Variants in CCDC191 observed in about 807,000 individuals in gnomAD.
CCDC191 encodes the protein coiled-coil domain-containing protein 191.
In CCDC191, 99 loss-of-function variants were observed where a neutral mutation model predicts 114.0. That is an observed-to-expected ratio of 0.87 (90% confidence interval 0.74 to 1.03). The LOEUF is 1.03. Ranked by LOEUF, CCDC191 falls within the 50% of genes least tolerant of loss-of-function variation. The probability of loss-of-function intolerance (pLI) is 0.00; values close to 1 mark genes in which losing one functional copy is unlikely to be tolerated. For missense variants in CCDC191, 973 were observed against 1,087.0 expected (o/e 0.90, Z 1.47); for synonymous variants, 351 against 376.0 (o/e 0.93, Z 0.77).
chr3:113,980,639 G>A lies in CCDC191; in HGVS notation c.2307+11C>T. The A allele has an allele frequency of 6.4e-7, 1 of 1,574,006 alleles. No homozygotes were observed. Among genetic ancestry groups the A allele is most frequent in the Non-Finnish European group, 8.6e-7 (1 of 1,168,108 alleles). On this transcript the variant is annotated intron_variant, in intron 14 of 16. Transcript: ENST00000295878. The stretch of plus-strand genomic sequence containing the variant: ...TTTTCTAATCTGGGGGATAACAGTG[G>A]GACAGTGTACCTGGATGTTTTGTTT...
chr3:113,978,896 G>C lies in CCDC191; in HGVS notation c.2422C>G (p.Gln808Glu), dbSNP rs201121137. The C allele has an allele frequency of 5.5e-5, 88 of 1,613,808 alleles. No individual in the cohort carries two copies. Among genetic ancestry groups the C allele is most frequent in the Non-Finnish European group, 6.0e-5 (71 of 1,179,908 alleles). Reference protein sequence around the residue: ...KMAQADQFYSQILLKRVIQSW... With the variant: ...KMAQADQFYSEILLKRVIQSW... ...TGGATGACTCTCTTAAGCAGTATTT[G>C]GGAATAAAATTGATCAGCCTGGGCC... Residue 808 changes from glutamine to glutamate, a missense_variant, in exon 15 of 17, where the codon CAA (glutamine) becomes GAA (glutamate). By Grantham distance (29) the Gln-to-Glu change is conservative. Transcript: ENST00000295878.
At chr3:114,004,303 G>T in intron 11 of CCDC191, 2 of 999,206 alleles carry the variant, frequency 2.0e-6, no homozygotes, top group Non-Finnish European at 2.4e-6. Flanking sequence ...TTTGTCCTTG[G>T]CAGTTACTCA....
chr3:114,011,208 G>T lies in CCDC191; in HGVS notation c.1164-187C>A, dbSNP rs544156369. Among the ~76,000 whole-genome samples, 87 of 152,254 alleles carry T rather than the reference G, an allele frequency of 5.7e-4. 1 individual carries two copies. The highest frequency in any genetic ancestry group is 1.9e-3 in the African/African-American group (80 of 41,546). On this transcript the variant is annotated intron_variant, in intron 8 of 16. Transcript: ENST00000295878. ...CAGTGCAAAGGATCTCCTCATAGAA[G>T]GTGTCAGCACTTCAACAGATTACCT...
At chr3:114,016,878 G>A (rs569691633) in intron 8 of CCDC191, among the ~76,000 whole-genome samples, 1 of 152,176 alleles carries the variant, frequency 6.6e-6, no homozygotes, top group South Asian at 2.1e-4. Context: ...TTTACAACCT[G>A]TTTCCCTTCT....
At chr3:114,012,469 G>T (rs930542355) in intron 8 of CCDC191, among the ~76,000 whole-genome samples, 4 of 152,086 alleles carry the variant, frequency 2.6e-5, no homozygotes, top group Non-Finnish European at 5.9e-5. Context: ...AAACATTTAT[G>T]TATGTTTTAC....
intron 9 of CCDC191, among the ~76,000 whole-genome samples, chr3:114,006,533 C>CT (rs1244910343): frequency 6.9e-6 from 1 of 145,564 alleles, no homozygotes. Flanking sequence ...AAAATCTTCT[C>CT]TTATAAATTT....
chr3:113,967,323 T>C (rs1290346567), intron 16 of CCDC191, among the ~76,000 whole-genome samples: 1 of 152,132 alleles, frequency 6.6e-6, no homozygotes, highest in Non-Finnish European at 1.5e-5. Flanking sequence ...CTACCCTAAC[T>C]GAAAAATGTT....
At chr3:114,053,337 C>T (rs2076721887) in intron 2 of CCDC191, among the ~76,000 whole-genome samples, 1 of 152,122 alleles carries the variant, frequency 6.6e-6, no homozygotes, top group Non-Finnish European at 1.5e-5. Flanking sequence ...TCCTTTAATC[C>T]TCTTCATGTG....
At chr3:113,989,210 T>C (rs185256631) in intron 13 of CCDC191, among the ~76,000 whole-genome samples, 2 of 152,228 alleles carry the variant, frequency 1.3e-5, no homozygotes, top group Non-Finnish European at 2.9e-5. Flanking sequence ...GAAACTTCAA[T>C]AGTCCTCTCT....
At chr3:114,052,881 T>C (rs948837806) in intron 2 of CCDC191, among the ~76,000 whole-genome samples, 1 of 152,164 alleles carries the variant, frequency 6.6e-6, no homozygotes, top group African/African-American at 2.4e-5. Context: ...CCCGGGAAAA[T>C]GCTGCATGAT....
intron 4 of CCDC191, 41 bp from the exon 5 acceptor site, chr3:114,036,827 A>C (rs2076491747): frequency 2.2e-6 from 3 of 1,358,380 alleles, no homozygotes; most frequent in Middle Eastern, 4.1e-4. Context: ...TTTTTTTAAA[A>C]AATTAATTTT....
intron 3 of CCDC191, among the ~76,000 whole-genome samples, chr3:114,045,453 C>A (rs1212992145): frequency 6.6e-6 from 1 of 152,144 alleles, no homozygotes; most frequent in African/African-American, 2.4e-5. Context: ...CTCACTGCAA[C>A]CTCTGCCTTC....
At chr3:114,006,702 TG>T (rs565057489) in intron 9 of CCDC191, among the ~76,000 whole-genome samples, 2 of 150,516 alleles carry the variant, frequency 1.3e-5, no homozygotes, top group Non-Finnish European at 3.0e-5. Flanking sequence ...GAAGATGTTG[TG>T]GCAAAGGATA....
At chr3:114,043,108 T>TA (rs1179594225) in intron 3 of CCDC191, among the ~76,000 whole-genome samples, 1 of 152,072 alleles carries the variant, frequency 6.6e-6, no homozygotes, top group African/African-American at 2.4e-5. Flanking sequence ...GTTGTAGCTT[T>TA]AAATTGGGAG....
At chr3:113,993,970 T>C (rs1237903241) in intron 13 of CCDC191, among the ~76,000 whole-genome samples, 1 of 152,114 alleles carries the variant, frequency 6.6e-6, no homozygotes. Context: ...AAGGAAAAAC[T>C]GAAAATCTGA....
In CCDC191 at chr3:113,964,464, C is replaced by T. The variant is rs138011995; in HGVS notation, c.*691G>A. ...TAGAAGACAAACTGAGTGTATTATT[C>T]AGCAGTTGCAGGTGGGAGCATGAAC... On this transcript the variant is annotated 3_prime_UTR_variant, in exon 17 of 17. Coordinates refer to ENST00000295878, the MANE Select transcript of CCDC191 (RefSeq NM_020817.2). 1.3e-5 allele frequency: 2 copies of T among 152,168 alleles called. No homozygotes were observed. Among genetic ancestry groups the T allele is most frequent in the Admixed American group, 6.5e-5 (1 of 15,276 alleles). 9.4% of individuals were successfully genotyped at this position (152,168 alleles called of 1,614,324 possible). A position where few individuals can be genotyped will look rare whatever the true frequency, so the allele number is the denominator to read the frequency against.
At chr3:114,034,805 G>C in intron 6 of CCDC191, 120 bp downstream of exon 6, 1 of 800,850 alleles carries the variant, frequency 1.2e-6, no homozygotes, top group Non-Finnish European at 2.0e-6. Context: ...TGGTGGAATA[G>C]TGAGTGATTT....
intron 13 of CCDC191, among the ~76,000 whole-genome samples, chr3:113,994,577 ATT>A (rs1476947937): frequency 7.1e-6 from 1 of 139,936 alleles, no homozygotes; most frequent in Non-Finnish European, 1.5e-5. Flanking sequence ...AAAAAACTAA[ATT>A]CTTTTTTTTT....
chr3:114,045,798 A>C (rs141673926), intron 3 of CCDC191, among the ~76,000 whole-genome samples: 12 of 152,152 alleles, frequency 7.9e-5, no homozygotes, highest in African/African-American at 2.4e-4. Flanking sequence ...ACATTGTTCA[A>C]CTGACTCCTT....
Sources: allele counts gnomAD v4.1 joint callset (sites outside exome capture counted in the v4.1 genomes callset), GRCh38; gene constraint gnomAD v4.1.1; transcripts MANE v1.5; gene names NCBI Gene and HGNC (gene_info 2026-07-23, HGNC 2026-07-21).